PRKN: variants seen among roughly 807,000 people sequenced by gnomAD.
The protein encoded by PRKN is parkin RBR E3 ubiquitin protein ligase.
Under a neutral mutation model 59.5 loss-of-function variants are expected in PRKN, and 56 were observed. That is an observed-to-expected ratio of 0.94 (90% CI 0.76 to 1.18). PRKN has a LOEUF of 1.18. PRKN is among the 50% of genes most tolerant of loss of function. The pLI is 0.00. For synonymous variants in PRKN, 250 were observed against 222.1 expected (o/e 1.13, Z -1.12); for missense variants, 657 against 596.4 (o/e 1.10, Z -1.06).
chr6:161,721,162 G>C (rs1787205514), intron 7 of PRKN, among the ~76,000 whole-genome samples: 1 of 152,168 alleles, frequency 6.6e-6, no homozygotes, highest in South Asian at 2.1e-4. Flanking sequence ...TAACTAAACA[G>C]AAAAGTCAAA....
chr6:161,731,419 T>C (rs1440566005), intron 7 of PRKN, among the ~76,000 whole-genome samples: 1 of 152,232 alleles, frequency 6.6e-6, no homozygotes, highest in African/African-American at 2.4e-5. Context: ...CAACCAATAG[T>C]TTTTTGGAAG....
chr6:162,049,324 C>A (rs999251417), intron 5 of PRKN, among the ~76,000 whole-genome samples: 1 of 151,938 alleles, frequency 6.6e-6, no homozygotes, highest in African/African-American at 2.4e-5. Flanking sequence ...AAAATACTGT[C>A]AAAACCTTGA....
chr6:161,501,517 T>C (rs1488184878), intron 9 of PRKN, among the ~76,000 whole-genome samples: 1 of 152,216 alleles, frequency 6.6e-6, no homozygotes, highest in Non-Finnish European at 1.5e-5. Flanking sequence ...ATTTTGGTAA[T>C]AGTCCCTTTA....
At chr6:161,716,632 A>G (rs908690581) in intron 7 of PRKN, among the ~76,000 whole-genome samples, 6 of 152,216 alleles carry the variant, frequency 3.9e-5, no homozygotes, top group African/African-American at 1.4e-4. Context: ...AAAGAAACAA[A>G]GGCTATGTAC....
intron 4 of PRKN, among the ~76,000 whole-genome samples, chr6:162,075,857 T>C (rs1371547564): frequency 6.6e-6 from 1 of 151,926 alleles, no homozygotes; most frequent in Non-Finnish European, 1.5e-5. Flanking sequence ...ATTTATAAGG[T>C]ACATTTATCC....
At chr6:161,703,561 T>A (rs1450908394) in intron 7 of PRKN, among the ~76,000 whole-genome samples, 2 of 152,130 alleles carry the variant, frequency 1.3e-5, no homozygotes, top group Non-Finnish European at 2.9e-5. Context: ...TACAAAGCAT[T>A]AGAGTGATTC....
At chr6:162,053,902 C>T (rs1448195730) in intron 5 of PRKN, among the ~76,000 whole-genome samples, 189 bp downstream of exon 5, 1 of 152,140 alleles carries the variant, frequency 6.6e-6, no homozygotes, top group Non-Finnish European at 1.5e-5. Flanking sequence ...GAAAGTGACC[C>T]TGAAAGGCAG....
At position 162,096,914 on chromosome 6, in the gene PRKN, T is replaced by C. The variant is rs149002051; in HGVS notation, c.535-42740A>G. ...TCTCGTTTTGCTCTGTCACCCAGGC[T>C]GGAGTGCACTGGCAGGATCTTGGCT... On this transcript the variant is annotated intron_variant, in intron 4 of 11. Transcript: ENST00000366898. 7.2e-3 allele frequency among the ~76,000 whole-genome samples: 919 copies of C among 127,762 alleles called. 14 individuals carry two copies. The highest frequency in any genetic ancestry group is 0.026 in the African/African-American group (871 of 33,196). 83.8% of individuals were successfully genotyped at this position (127,762 alleles called of 152,430 possible). A position where few individuals can be genotyped will look rare whatever the true frequency, so the allele number is the denominator to read the frequency against.
At chr6:161,993,521 T>A (rs577590059) in intron 5 of PRKN, among the ~76,000 whole-genome samples, 1 of 152,178 alleles carries the variant, frequency 6.6e-6, no homozygotes, top group Non-Finnish European at 1.5e-5. Flanking sequence ...CAAATTTATA[T>A]AGAAAAGCTA....
At position 161,350,145 on chromosome 6, in the gene PRKN, C is replaced by T. The variant is rs1784464048; in HGVS notation, c.1352G>A (p.Cys451Tyr). ...CRLEWCWNCG[C>Y]EWNRVCMGDH... ...CCCCATGCAGACGCGGTTCCACTCG[C>T]AGCCACAGTTCCAGCACCACTCGAG... Residue 451 changes from cysteine (C) to tyrosine (Y), a missense_variant, in exon 12 of 12, where the codon TGC (cysteine) becomes TAC (tyrosine). By Grantham distance (194) the Cys-to-Tyr change is radical. Coordinates refer to ENST00000366898, the MANE Select transcript of PRKN (RefSeq NM_004562.3). 4 of 1,613,568 alleles carry T rather than the reference C, an allele frequency of 2.5e-6. No homozygotes were observed. The highest frequency in any genetic ancestry group is 3.4e-6 in the Non-Finnish European group (4 of 1,179,974).
At chr6:162,433,740 C>T (rs1408853843) in intron 2 of PRKN, among the ~76,000 whole-genome samples, 2 of 152,094 alleles carry the variant, frequency 1.3e-5, no homozygotes, top group African/African-American at 2.4e-5. Context: ...TGATGAATTA[C>T]GCATAGATGG....
At chr6:162,511,990 AC>A (rs1777642285) in intron 1 of PRKN, among the ~76,000 whole-genome samples, 1 of 152,128 alleles carries the variant, frequency 6.6e-6, no homozygotes, top group African/African-American at 2.4e-5. Flanking sequence ...GAAGCACAAC[AC>A]CTTATATTTA....
In PRKN at chr6:161,348,336, A is replaced by C. The variant is rs557087876; in HGVS notation, c.*1763T>G. On this transcript the variant is annotated 3_prime_UTR_variant, in exon 12 of 12. Transcript: ENST00000366898. The surrounding 1 kb of genome is among the most constrained non-coding windows in gnomAD (Gnocchi z 4.9). ...GCCACCTCTCTTTTTTTCCCTTACT[A>C]TAGAGACTTTGATCTGTCCACCATT... is the stretch of plus-strand genomic sequence containing the variant. The C allele has an allele frequency of 4.7e-6, 1 of 210,852 alleles. No individual in the cohort carries two copies. The highest frequency in any genetic ancestry group is 2.3e-5 in the African/African-American group (1 of 43,946). 13.1% of individuals were successfully genotyped at this position (210,852 alleles called of 1,614,324 possible). A position where few individuals can be genotyped will look rare whatever the true frequency, so the allele number is the denominator to read the frequency against.
At chr6:161,785,994 G>A (rs1416176279) in intron 6 of PRKN, 86 bp from the exon 7 acceptor site, 2 of 1,376,534 alleles carry the variant, frequency 1.5e-6, no homozygotes, top group Non-Finnish European at 2.0e-6. Flanking sequence ...TGTAATCCTG[G>A]AGGGTTGTGT....
At chr6:162,193,979 A>G (rs1440267113) in intron 4 of PRKN, among the ~76,000 whole-genome samples, 1 of 152,248 alleles carries the variant, frequency 6.6e-6, no homozygotes, top group African/African-American at 2.4e-5. Flanking sequence ...CTAAAAGCTG[A>G]TTAAAAGAAA....
intron 6 of PRKN, among the ~76,000 whole-genome samples, chr6:161,859,610 C>CAAAA (rs57747027): frequency 0.15 from 13,445 of 89,896 alleles, 1,086 homozygotes; most frequent in East Asian, 0.31. Flanking sequence ...GACTCTCTCT[C>CAAAA]AAAAAAAAAA....
At chr6:162,719,136 A>C (rs1778837969) in intron 1 of PRKN, among the ~76,000 whole-genome samples, 1 of 152,216 alleles carries the variant, frequency 6.6e-6, no homozygotes, top group Admixed American at 6.5e-5. Context: ...ATTATGTCTA[A>C]ATTGACTGCC....
chr6:161,811,528 G>A (rs1343602758), intron 6 of PRKN, among the ~76,000 whole-genome samples: 4 of 152,076 alleles, frequency 2.6e-5, no homozygotes, highest in Non-Finnish European at 4.4e-5. Context: ...ACATATGCAC[G>A]ATAGCAACAG....
chr6:161,840,790 C>CT (rs371633263), intron 6 of PRKN, among the ~76,000 whole-genome samples: 21 of 151,968 alleles, frequency 1.4e-4, no homozygotes, highest in African/African-American at 3.9e-4. Flanking sequence ...TGGTCTCATT[C>CT]TTTTTTTTGG....
Sources: gnomAD v4.1 joint callset for allele counts (sites outside exome capture counted in the v4.1 genomes callset) on GRCh38, gnomAD v4.1.1 for gene constraint, Gnocchi (gnomAD v3.1) non-coding constraint, MANE v1.5 for transcripts, NCBI Gene and HGNC (gene_info 2026-07-23, HGNC 2026-07-21) for gene names.